The following PTPRD variants were observed in gnomAD, a reference collection of about 807,000 sequenced individuals.
PTPRD encodes the protein protein tyrosine phosphatase receptor type D.
A neutral mutation model predicts 214.5 loss-of-function variants in PTPRD; 34 were observed. The ratio of observed to expected loss-of-function variants is 0.16; its 90% confidence interval spans 0.12 to 0.21. The LOEUF (loss-of-function observed/expected upper bound fraction) is 0.21. PTPRD is among the 10% of genes least tolerant of loss of function. The pLI, the probability that PTPRD is intolerant of heterozygous loss-of-function variation, is 1.00. For synonymous variants in PTPRD, 1,128 were observed against 845.7 expected (o/e 1.33, Z -5.79); for missense variants, 2,545 against 2,398.7 (o/e 1.06, Z -1.27).
chr9:8,830,875 C>A (rs923779561), intron 11 of PTPRD, among the ~76,000 whole-genome samples: 1 of 152,078 alleles, frequency 6.6e-6, no homozygotes, highest in South Asian at 2.1e-4. Flanking sequence ...TCTAACAATT[C>A]TCTTCAATTG....
At chr9:9,183,078 C>T (rs1268652512) in intron 10 of PTPRD, among the ~76,000 whole-genome samples, 1 of 152,006 alleles carries the variant, frequency 6.6e-6, no homozygotes, top group South Asian at 2.1e-4. Context: ...AAAAATAAAT[C>T]TCTCATTGAC....
At chr9:9,138,844 G>A (rs1019334719) in intron 10 of PTPRD, among the ~76,000 whole-genome samples, 25 of 151,912 alleles carry the variant, frequency 1.6e-4, no homozygotes, top group Non-Finnish European at 5.9e-5. Flanking sequence ...GCCCTTTTAT[G>A]TTTAATATAA....
intron 3 of PTPRD, among the ~76,000 whole-genome samples, chr9:10,295,620 G>A (rs2095651972): frequency 2.0e-5 from 3 of 151,922 alleles, no homozygotes; most frequent in Admixed American, 2.0e-4. Context: ...TAGTATGGTA[G>A]GCAGAATGGT....
intron 5 of PTPRD, among the ~76,000 whole-genome samples, chr9:9,855,971 C>T (rs1317754292): frequency 6.6e-6 from 1 of 152,116 alleles, no homozygotes; most frequent in Non-Finnish European, 1.5e-5. Context: ...ACTTGTGGCT[C>T]CAGAACTCTT....
chr9:10,228,066 T>G (rs1248797582), intron 3 of PTPRD, among the ~76,000 whole-genome samples: 1 of 151,944 alleles, frequency 6.6e-6, no homozygotes, highest in Non-Finnish European at 1.5e-5. Flanking sequence ...CCATTATGAT[T>G]AAAAGAGATT....
chr9:10,503,203 A>AAAG lies in PTPRD; in HGVS notation c.-600+109194_-600+109195insCTT, dbSNP rs932728860. Among the ~76,000 whole-genome samples, 344 of 133,912 alleles carry AAAG rather than the reference A, an allele frequency of 2.6e-3. 17 individuals are homozygous for AAAG. In the East Asian group the frequency reaches 0.063, roughly 25 times the overall value. 87.9% of individuals were successfully genotyped at this position (133,912 alleles called of 152,430 possible). A position where few individuals can be genotyped will look rare whatever the true frequency, so the allele number is the denominator to read the frequency against. ...GACACAGCTGCAATACAAAAAAAAA[A>AAAG]AAAACAAAAAAAAACACCATTTTTT... is the stretch of plus-strand genomic sequence containing the variant. On this transcript the variant is annotated intron_variant, in intron 2 of 45. Coordinates refer to ENST00000381196, the MANE Select transcript of PTPRD (RefSeq NM_002839.4).
rs796221708 is a variant in PTPRD, at chr9:9,995,624, T to C, written c.-472+38094A>G. On this transcript the variant is annotated intron_variant, in intron 4 of 45. Transcript: ENST00000381196. ...TAAACCTCCTGGTTCAAGGAGCTGTTTCCTCCTGTTTTGCTCTTAGGCCTT... is the reference window on the plus strand; with the variant it reads ...TAAACCTCCTGGTTCAAGGAGCTGTCTCCTCCTGTTTTGCTCTTAGGCCTT... Among the ~76,000 whole-genome samples the C allele has an allele frequency of 5.3e-5, 8 of 152,262 alleles. 1 individual carries two copies. Among genetic ancestry groups the C allele is most frequent in the African/African-American group, 1.9e-4 (8 of 41,562 alleles).
At chr9:9,452,983 C>A (rs998483031) in intron 8 of PTPRD, among the ~76,000 whole-genome samples, 25 of 149,778 alleles carry the variant, frequency 1.7e-4, no homozygotes, top group African/African-American at 5.9e-4. Context: ...TTTCTGTATA[C>A]TTAAATTTTG....
At position 9,448,071 on chromosome 9, in the gene PTPRD, T is replaced by C. The variant is rs544862582; in HGVS notation, c.-236-50589A>G. Among the ~76,000 whole-genome samples the C allele has an allele frequency of 3.3e-5, 5 of 152,188 alleles. No individual in the cohort carries two copies. The East Asian group carries it at 9.7e-4, about 29-fold the overall frequency. Reference sequence around the variant, plus strand: ...GAAGGGGTTCATTCTGCTGCTGTGATAGAAACAGGTTTTGGAGAAGAAAGG... The same window carrying C: ...GAAGGGGTTCATTCTGCTGCTGTGACAGAAACAGGTTTTGGAGAAGAAAGG... On this transcript the variant is annotated intron_variant, in intron 8 of 45. Coordinates refer to ENST00000381196, the MANE Select transcript of PTPRD (RefSeq NM_002839.4).
At chr9:9,826,545 T>C (rs542764368) in intron 5 of PTPRD, among the ~76,000 whole-genome samples, 33 of 151,994 alleles carry the variant, frequency 2.2e-4, no homozygotes, top group Non-Finnish European at 3.1e-4. Context: ...AGACTTTCAG[T>C]TCCTCAAATA....
chr9:8,492,517 T>C (rs927569044), intron 27 of PTPRD, among the ~76,000 whole-genome samples: 1 of 151,994 alleles, frequency 6.6e-6, no homozygotes, highest in Non-Finnish European at 1.5e-5. Flanking sequence ...TCTAGTCCTA[T>C]TCAGAAAGTG....
In PTPRD at chr9:8,951,214, A is replaced by C. The variant is rs561588014; in HGVS notation, c.-104+67483T>G. Among the ~76,000 whole-genome samples, 3 of 151,416 alleles carry C rather than the reference A, an allele frequency of 2.0e-5. No individual in the cohort carries two copies. In the East Asian group the frequency reaches 5.8e-4, roughly 30 times the overall value. On this transcript the variant is annotated intron_variant, in intron 11 of 45. Coordinates refer to ENST00000381196, the MANE Select transcript of PTPRD (RefSeq NM_002839.4). The stretch of plus-strand genomic sequence containing the variant: ...AGAAAGCAATTAATGGTAGACATCA[A>C]CTACTTGAAGCAGTTTTCCACTGTC...
At chr9:9,744,797 T>C (rs1041695396) in intron 6 of PTPRD, among the ~76,000 whole-genome samples, 5 of 152,168 alleles carry the variant, frequency 3.3e-5, no homozygotes, top group African/African-American at 1.2e-4. Flanking sequence ...ATTAATATAA[T>C]CCACATCATA....
At position 9,040,300 on chromosome 9, in the gene PTPRD, A is replaced by C. The variant is rs372701795; in HGVS notation, c.-142-21565T>G. Among the ~76,000 whole-genome samples, 4 of 152,300 alleles carry C rather than the reference A, an allele frequency of 2.6e-5. 1 individual carries two copies. ...TTACACTATGGTATTTTCACATGAC[A>C]TATACTGCCTGGCAGAGTCTTCTGG... On this transcript the variant is annotated intron_variant, in intron 10 of 45. Coordinates refer to ENST00000381196, the MANE Select transcript of PTPRD (RefSeq NM_002839.4).
chr9:9,207,879 G>A (rs2099945854), intron 9 of PTPRD, among the ~76,000 whole-genome samples: 1 of 151,562 alleles, frequency 6.6e-6, no homozygotes, highest in African/African-American at 2.4e-5. Flanking sequence ...ACTGCAAAAA[G>A]GAATGAGAAA....
At chr9:8,645,579 G>C (rs1187201574) in intron 12 of PTPRD, among the ~76,000 whole-genome samples, 1 of 151,986 alleles carries the variant, frequency 6.6e-6, no homozygotes, top group Non-Finnish European at 1.5e-5. Flanking sequence ...CTATGCCTCT[G>C]TATGACTACC....
rs1434291877 is a variant in PTPRD at position 8,314,727 on chromosome 9, AC to A, written c.*3146del. ...AAAAAAAATACGTGCATTACTGCAG[AC>A]TTTTTTCCCTTCCTGTTTCTATGTT... On this transcript the variant is annotated 3_prime_UTR_variant, in exon 46 of 46. Coordinates refer to ENST00000381196, the MANE Select transcript of PTPRD (RefSeq NM_002839.4). The A allele has an allele frequency of 4.3e-6, 1 of 231,878 alleles. No individual in the cohort carries two copies. Among genetic ancestry groups the A allele is most frequent in the Admixed American group, 5.7e-5 (1 of 17,626 alleles). The allele number at this position is 231,878 out of a possible 1,614,324, so 14.4% of individuals were successfully genotyped here. A position where few individuals can be genotyped will look rare whatever the true frequency, so the allele number is the denominator to read the frequency against.
At chr9:9,543,900 A>G (rs996635203) in intron 8 of PTPRD, among the ~76,000 whole-genome samples, 11 of 151,690 alleles carry the variant, frequency 7.3e-5, no homozygotes, top group African/African-American at 2.7e-4. Context: ...CGTATATTAG[A>G]AGCTACCATT....
chr9:9,238,764 T>A (rs989251052), intron 9 of PTPRD, among the ~76,000 whole-genome samples: 1 of 152,220 alleles, frequency 6.6e-6, no homozygotes, highest in South Asian at 2.1e-4. Context: ...TTTACTCTTA[T>A]GCTTTTATCT....
Sources: allele counts gnomAD v4.1 joint callset (sites outside exome capture counted in the v4.1 genomes callset), GRCh38; gene constraint gnomAD v4.1.1; transcripts MANE v1.5; gene names NCBI Gene and HGNC (gene_info 2026-07-23, HGNC 2026-07-21).